CLEC12A: variants seen among roughly 807,000 people sequenced by gnomAD.
CLEC12A encodes the protein C-type lectin domain family 12 member A, also known as C-type lectin protein CLL-1.
Under a neutral mutation model 26.5 loss-of-function variants are expected in CLEC12A, and 22 were observed. That is an observed-to-expected ratio of 0.83 (90% CI 0.59 to 1.19). The LOEUF (loss-of-function observed/expected upper bound fraction) is 1.19, where lower values mean the gene tolerates loss of function less well. Ranked by LOEUF, CLEC12A falls within the 50% of genes most tolerant of loss-of-function variation. The pLI is 0.00. For missense variants in CLEC12A, 353 were observed against 315.6 expected (o/e 1.12, Z -0.90); for synonymous variants, 119 against 101.9 (o/e 1.17, Z -1.01).
chr12:9,989,489 G>A (rs1351016776), downstream of CLEC12A, among the ~76,000 whole-genome samples: 1 of 152,168 alleles, frequency 6.6e-6, no homozygotes, highest in East Asian at 1.9e-4. Flanking sequence ...CAATCACAAC[G>A]TTCTCTTAAG....
downstream of CLEC12A, among the ~76,000 whole-genome samples, chr12:9,987,103 C>T (rs1306064982): frequency 6.6e-6 from 1 of 152,110 alleles, no homozygotes; most frequent in South Asian, 2.1e-4. Context: ...ATTTTGTTGA[C>T]CCTGCTTTAA....
At chr12:9,998,340 C>T (rs1199920119), downstream of CLEC12A, 1 of 1,614,036 alleles carries the variant, frequency 6.2e-7, no homozygotes, top group South Asian at 1.1e-5. Flanking sequence ...TCAGCAGAAT[C>T]AAAGCCATCA....
intron 4 of CLEC12A, chr12:9,992,957 C>A: frequency 1.9e-6 from 1 of 516,682 alleles, no homozygotes; most frequent in Non-Finnish European, 3.4e-6. Flanking sequence ...AAATGATAAA[C>A]TCACGTGATG....
intron 3 of CLEC12A, among the ~76,000 whole-genome samples, 187 bp downstream of exon 3, chr12:9,979,711 A>G (rs1290534898): frequency 6.6e-6 from 1 of 152,230 alleles, no homozygotes; most frequent in Non-Finnish European, 1.5e-5. Flanking sequence ...CAGAAAAAGT[A>G]GTAACAACAA....
At chr12:9,996,232 T>C (rs963256454), downstream of CLEC12A, among the ~76,000 whole-genome samples, 2 of 152,202 alleles carry the variant, frequency 1.3e-5, no homozygotes, top group South Asian at 2.1e-4. Context: ...TTAAAATATA[T>C]CAATATTATA....
At chr12:10,005,507 C>G in the CLEC12A span, among the ~76,000 whole-genome samples, 2 of 152,064 alleles carry the variant, frequency 1.3e-5, no homozygotes, top group Non-Finnish European at 2.9e-5. Context: ...TTTCTATATG[C>G]TTTTATCAGT....
At chr12:10,005,258 A>C in the CLEC12A span, among the ~76,000 whole-genome samples, 2 of 152,190 alleles carry the variant, frequency 1.3e-5, no homozygotes, top group African/African-American at 4.8e-5. Flanking sequence ...GATAGTAAAG[A>C]AACATAGAAA....
chr12:9,968,454 C>T (rs139535835), upstream of CLEC12A, among the ~76,000 whole-genome samples: 422 of 151,634 alleles, frequency 2.8e-3, 4 homozygotes, highest in African/African-American at 8.5e-3. Context: ...TGTTCTCTGG[C>T]GGGCAGGAGT....
At chr12:9,981,053 G>A (rs1034992929) in intron 4 of CLEC12A, among the ~76,000 whole-genome samples, 5 of 152,084 alleles carry the variant, frequency 3.3e-5, no homozygotes, top group Admixed American at 3.3e-4. Flanking sequence ...AAAAACAGAG[G>A]ATACAGAGAT....
In CLEC12A at chr12:9,973,286, T is replaced by C. The variant is rs932681396; in HGVS notation, c.91+1599T>C. Among the ~76,000 whole-genome samples, 32 of 151,568 alleles carry C rather than the reference T, an allele frequency of 2.1e-4. 1 individual carries two copies. Among genetic ancestry groups the C allele is most frequent in the Non-Finnish European group, 1.8e-4 (12 of 67,914 alleles). ...GACCAGCCTGGGGAAAGTAGAGATA[T>C]GCCATGTCTATAAAAAAAAAATTTT... On this transcript the variant is annotated intron_variant, in intron 1 of 5. Coordinates refer to ENST00000304361, the MANE Select transcript of CLEC12A (RefSeq NM_138337.6).
intron 4 of CLEC12A, among the ~76,000 whole-genome samples, chr12:9,994,831 G>GCA (rs777871148): frequency 1.9e-4 from 26 of 138,076 alleles, no homozygotes; most frequent in Non-Finnish European, 2.8e-4. Flanking sequence ...ATGTGCATGC[G>GCA]CGCACACACA....
chr12:9,993,228 T>C, intron 4 of CLEC12A: 1 of 1,612,960 alleles, frequency 6.2e-7, no homozygotes, highest in Non-Finnish European at 8.5e-7. Context: ...AGGGTGCATT[T>C]TCCCATTATG....
At chr12:9,951,627 C>T (rs990111024) in intron 1 of CLEC12A, 3 of 469,194 alleles carry the variant, frequency 6.4e-6, no homozygotes, top group Non-Finnish European at 1.2e-5. Flanking sequence ...ACTAGCCCAA[C>T]AAACAGGGAG....
upstream of CLEC12A, among the ~76,000 whole-genome samples, chr12:9,967,026 G>C (rs1039646817): frequency 6.6e-6 from 1 of 151,742 alleles, no homozygotes; most frequent in African/African-American, 2.4e-5. Context: ...GTTGGGGAGG[G>C]CTAGTCATGG....
At chr12:9,960,842 G>A (rs761654280) in intron 1 of CLEC12A, among the ~76,000 whole-genome samples, 41 of 152,310 alleles carry the variant, frequency 2.7e-4, no homozygotes, top group Non-Finnish European at 4.4e-4. Context: ...CCCAGGCAAT[G>A]AGACTGCAGA....
chr12:9,958,056 G>C lies in CLEC12A; in HGVS notation c.10+6700G>C, dbSNP rs186941277. The stretch of plus-strand genomic sequence containing the variant: ...AAACCAGAAAGTACCTCTGAGATCT[G>C]TGGTTTCCTGGAAGGTAGTCAATGT... On this transcript the variant is annotated intron_variant, in intron 1 of 6. Coordinates refer to the CLEC12A transcript ENST00000355690. Among the ~76,000 whole-genome samples the C allele has an allele frequency of 3.3e-3, 507 of 152,316 alleles. 1 individual carries two copies. The highest frequency in any genetic ancestry group is 5.8e-3 in the South Asian group (28 of 4,830).
upstream of CLEC12A, among the ~76,000 whole-genome samples, chr12:9,968,649 C>T (rs1864025625): frequency 6.6e-6 from 1 of 152,170 alleles, no homozygotes; most frequent in Non-Finnish European, 1.5e-5. Context: ...TAGGCATATA[C>T]ACAGGCATAT....
intron 1 of CLEC12A, among the ~76,000 whole-genome samples, chr12:9,962,670 C>T (rs958125495): frequency 6.6e-6 from 1 of 151,966 alleles, no homozygotes; most frequent in African/African-American, 2.4e-5. Flanking sequence ...AGCTTTTGAG[C>T]CAGGATGAGC....
intron 4 of CLEC12A, chr12:9,991,729 T>G (rs1864897926): frequency 6.6e-6 from 1 of 152,180 alleles, no homozygotes; most frequent in South Asian, 2.1e-4. Flanking sequence ...ATTGAGTATG[T>G]ATTACATACT....
Sources: allele counts gnomAD v4.1 joint callset (sites outside exome capture counted in the v4.1 genomes callset), GRCh38; gene constraint gnomAD v4.1.1; transcripts MANE v1.5; gene names NCBI Gene and HGNC (gene_info 2026-07-23, HGNC 2026-07-21).